The following KCNIP4 variants were observed in gnomAD, a reference collection of about 807,000 sequenced individuals.
The protein encoded by KCNIP4 is Kv channel-interacting protein 4.
KCNIP4 carries 12 observed loss-of-function variants against 34.0 expected under a neutral mutation model. That is an observed-to-expected ratio of 0.35 (90% CI 0.23 to 0.57). The LOEUF is 0.57. Among genes scored for constraint, KCNIP4 ranks in the 20% least tolerant of loss-of-function variants. KCNIP4 has a pLI of 0.83. For missense variants in KCNIP4, 238 were observed against 311.7 expected (o/e 0.76, Z 1.78); for synonymous variants, 124 against 102.2 (o/e 1.21, Z -1.29).
At chr4:21,493,776 T>C (rs1243422730) in intron 1 of KCNIP4, among the ~76,000 whole-genome samples, 2 of 152,178 alleles carry the variant, frequency 1.3e-5, no homozygotes, top group African/African-American at 4.8e-5. Flanking sequence ...TAAGACTCCC[T>C]ACCATAATAA....
intron 1 of KCNIP4, among the ~76,000 whole-genome samples, chr4:21,476,962 G>A (rs558710539): frequency 2.6e-5 from 4 of 152,248 alleles, no homozygotes; most frequent in African/African-American, 9.6e-5. Flanking sequence ...TGTCCTAGGT[G>A]CTGAAGATGC....
intron 1 of KCNIP4, among the ~76,000 whole-genome samples, chr4:21,479,682 A>G (rs983008142): frequency 6.6e-6 from 1 of 152,198 alleles, no homozygotes; most frequent in Non-Finnish European, 1.5e-5. Context: ...ATTATTTCAC[A>G]GTGAAACATA....
intron 1 of KCNIP4, among the ~76,000 whole-genome samples, chr4:21,206,398 T>C (rs1163223235): frequency 6.6e-6 from 1 of 152,182 alleles, no homozygotes; most frequent in Admixed American, 6.5e-5. Flanking sequence ...TGAGACACTT[T>C]TGTTTCTAAT....
chr4:21,356,145 A>C (rs1157517903), intron 1 of KCNIP4, among the ~76,000 whole-genome samples: 2 of 152,188 alleles, frequency 1.3e-5, no homozygotes, highest in Non-Finnish European at 2.9e-5. Context: ...AACTCTCAAA[A>C]AAGTAAATAC....
intron 1 of KCNIP4, among the ~76,000 whole-genome samples, chr4:21,769,422 G>A (rs2109187396): frequency 6.6e-6 from 1 of 152,114 alleles, no homozygotes; most frequent in South Asian, 2.1e-4. Context: ...TTCATTTGTG[G>A]TATTTTTAAC....
At chr4:21,023,014 G>A (rs1222978630) in intron 1 of KCNIP4, among the ~76,000 whole-genome samples, 1 of 151,958 alleles carries the variant, frequency 6.6e-6, no homozygotes, top group Non-Finnish European at 1.5e-5. Flanking sequence ...GTAGAGACAG[G>A]GTTTCACCAT....
intron 1 of KCNIP4, among the ~76,000 whole-genome samples, chr4:21,386,180 T>C (rs1722015914): frequency 6.6e-6 from 1 of 152,324 alleles, no homozygotes; most frequent in South Asian, 2.1e-4. Context: ...TCTTGTATCC[T>C]TGCTCTTTCT....
intron 1 of KCNIP4, among the ~76,000 whole-genome samples, chr4:21,054,794 A>C (rs2108956810): frequency 6.6e-6 from 1 of 152,150 alleles, no homozygotes; most frequent in East Asian, 1.9e-4. Flanking sequence ...CTAAATATAA[A>C]ATTCAAAACT....
rs1491411853 is a variant in KCNIP4 at position 21,715,070 on chromosome 4, T to TTTTATTTTATTTTATTTTA, written c.61+233482_61+233500dup. On this transcript the variant is annotated intron_variant, in intron 1 of 8. Coordinates refer to ENST00000382152, the MANE Select transcript of KCNIP4 (RefSeq NM_025221.6). Reference sequence around the variant, plus strand: ...TTTTATTTTATTTTATTTTATTTTATTTTATTTTATTTTATTTTATTTATT... The same window carrying TTTTATTTTATTTTATTTTA: ...TTTTATTTTATTTTATTTTATTTTATTTTATTTTATTTTATTTTATTTATTTTATTTTATTTTATTTATT... Among the ~76,000 whole-genome samples, 466 of 73,206 alleles carry TTTTATTTTATTTTATTTTA rather than the reference T, an allele frequency of 6.4e-3. 86 individuals are homozygous for TTTTATTTTATTTTATTTTA. The highest frequency in any genetic ancestry group is 0.043 in the Middle Eastern group (7 of 162). The allele number at this position is 73,206 out of a possible 152,430, so 48.0% of individuals were successfully genotyped here. A position where few individuals can be genotyped will look rare whatever the true frequency, so the allele number is the denominator to read the frequency against.
chr4:20,849,434 A>C (rs965882271), intron 3 of KCNIP4, among the ~76,000 whole-genome samples: 1 of 152,222 alleles, frequency 6.6e-6, no homozygotes, highest in Admixed American at 6.5e-5. Context: ...AATATTCTGC[A>C]GTGTCAACTA....
intron 1 of KCNIP4, among the ~76,000 whole-genome samples, chr4:21,512,527 T>C (rs2109925731): frequency 6.6e-6 from 1 of 152,298 alleles, no homozygotes; most frequent in South Asian, 2.1e-4. Context: ...TGTTTTATTT[T>C]GTACTTCTCC....
intron 1 of KCNIP4, among the ~76,000 whole-genome samples, chr4:21,745,865 A>G (rs1231180457): frequency 1.3e-5 from 2 of 152,184 alleles, no homozygotes; most frequent in Admixed American, 1.3e-4. Flanking sequence ...ATTACTAAGA[A>G]AAGCCATAAG....
At chr4:21,844,273 A>G (rs1216946853) in intron 1 of KCNIP4, 2 of 152,146 alleles carry the variant, frequency 1.3e-5, no homozygotes, top group South Asian at 2.1e-4. Flanking sequence ...GGTACATGGA[A>G]AAATTGATTA....
chr4:21,309,454 T>G (rs1712883944), intron 1 of KCNIP4, among the ~76,000 whole-genome samples: 1 of 152,194 alleles, frequency 6.6e-6, no homozygotes, highest in Admixed American at 6.5e-5. Flanking sequence ...TTGTAGCCCA[T>G]AAATATATCT....
intron 1 of KCNIP4, among the ~76,000 whole-genome samples, chr4:21,147,908 C>T (rs1752476691): frequency 1.1e-5 from 1 of 93,186 alleles, no homozygotes. Context: ...CACTACACTC[C>T]AGCCTGGACA....
At chr4:20,922,749 C>G (rs1035055887) in intron 1 of KCNIP4, among the ~76,000 whole-genome samples, 2 of 152,062 alleles carry the variant, frequency 1.3e-5, no homozygotes, top group Admixed American at 6.6e-5. Context: ...TATGGAATAG[C>G]CAACCAAGAA....
intron 1 of KCNIP4, among the ~76,000 whole-genome samples, chr4:21,506,058 G>T (rs865924635): frequency 6.6e-6 from 1 of 152,208 alleles, no homozygotes; most frequent in East Asian, 1.9e-4. Flanking sequence ...AGCTGAGATC[G>T]CACCACTGCA....
At chr4:21,754,285 C>A (rs906272140) in intron 1 of KCNIP4, among the ~76,000 whole-genome samples, 1 of 152,184 alleles carries the variant, frequency 6.6e-6, no homozygotes, top group Non-Finnish European at 1.5e-5. Context: ...CCTCTCTCTA[C>A]CTTGCTTTAT....
intron 1 of KCNIP4, among the ~76,000 whole-genome samples, chr4:21,597,169 G>T (rs1742717220): frequency 6.6e-6 from 1 of 152,004 alleles, no homozygotes; most frequent in Non-Finnish European, 1.5e-5. Flanking sequence ...GACCTGGTGG[G>T]AGATAATTGC....
Sources: allele counts gnomAD v4.1 joint callset (sites outside exome capture counted in the v4.1 genomes callset), GRCh38; gene constraint gnomAD v4.1.1; transcripts MANE v1.5; gene names NCBI Gene and HGNC (gene_info 2026-07-23, HGNC 2026-07-21).